The following CLNK variants were observed in gnomAD, a reference collection of about 807,000 sequenced individuals.
CLNK encodes the protein cytokine-dependent hematopoietic cell linker.
In CLNK, 74 loss-of-function variants were observed where a neutral mutation model predicts 68.6. That is an observed-to-expected ratio of 1.08 (90% CI 0.89 to 1.31). The LOEUF is 1.31. CLNK is among the 50% of genes most tolerant of loss of function. The pLI, the probability that CLNK is intolerant of heterozygous loss-of-function variation, is 0.00. For synonymous variants in CLNK, 198 were observed against 172.2 expected (o/e 1.15, Z -1.17); for missense variants, 553 against 515.3 (o/e 1.07, Z -0.71).
rs1437668868 is a variant in CLNK at position 10,600,507 on chromosome 4, T to C, written c.12-2458A>G. ...CATAAGCAAGTAAACAATATAATAT[T>C]GTTAAATGCCCTGTACATGCATTCA... On this transcript the variant is annotated intron_variant, in intron 2 of 18. Transcript: ENST00000226951. Among the ~76,000 whole-genome samples the C allele has an allele frequency of 2.6e-5, 4 of 152,270 alleles. No homozygotes were observed. The East Asian group carries it at 5.8e-4, about 22-fold the overall frequency.
intron 16 of CLNK, 91 bp downstream of exon 16, chr4:10,513,373 A>G (rs1717682386): frequency 1.6e-6 from 2 of 1,236,604 alleles, no homozygotes; most frequent in Admixed American, 5.9e-5. Flanking sequence ...AAAGTCAAAC[A>G]TAAATAATCT....
At chr4:10,612,082 T>C (rs1348970753) in intron 2 of CLNK, among the ~76,000 whole-genome samples, 1 of 152,234 alleles carries the variant, frequency 6.6e-6, no homozygotes, top group African/African-American at 2.4e-5. Context: ...GAACATGGGA[T>C]TCATGCTTTC....
the CLNK span, among the ~76,000 whole-genome samples, chr4:10,733,604 C>T: frequency 1.3e-5 from 2 of 152,200 alleles, no homozygotes; most frequent in East Asian, 1.9e-4. Flanking sequence ...TAATTTTATG[C>T]ACTACCTGGT....
chr4:10,717,106 G>A, the CLNK span, among the ~76,000 whole-genome samples: 1 of 152,140 alleles, frequency 6.6e-6, no homozygotes, highest in South Asian at 2.1e-4. Context: ...GAAATGAGGG[G>A]CCCCAAATGC....
chr4:10,557,698 C>G (rs1345340756), intron 8 of CLNK, among the ~76,000 whole-genome samples: 1 of 152,190 alleles, frequency 6.6e-6, no homozygotes, highest in Non-Finnish European at 1.5e-5. Flanking sequence ...CCTCTTGGGA[C>G]TCTAACTGGT....
chr4:10,713,935 A>G, the CLNK span, among the ~76,000 whole-genome samples: 2 of 152,170 alleles, frequency 1.3e-5, no homozygotes, highest in Non-Finnish European at 2.9e-5. Flanking sequence ...ATCCTTTTTT[A>G]GACATTTCAT....
intron 17 of CLNK, 84 bp downstream of exon 17, chr4:10,507,874 TG>T: frequency 1.0e-6 from 1 of 984,894 alleles, no homozygotes; most frequent in Non-Finnish European, 1.5e-6. Flanking sequence ...GAAAGCAAGC[TG>T]CTTGTTACGT....
At chr4:10,541,930 C>A (rs1577117658) in intron 10 of CLNK, 92 bp downstream of exon 10, 1 of 937,144 alleles carries the variant, frequency 1.1e-6, no homozygotes, top group Non-Finnish European at 1.6e-6. Flanking sequence ...ATTAGATTTT[C>A]AATGTCAAAT....
At chr4:10,727,588 A>G in the CLNK span, among the ~76,000 whole-genome samples, 1 of 152,162 alleles carries the variant, frequency 6.6e-6, no homozygotes, top group South Asian at 2.1e-4. Flanking sequence ...GCATCTACAC[A>G]CCCTATGGGC....
the CLNK span, among the ~76,000 whole-genome samples, chr4:10,714,795 A>G: frequency 6.6e-6 from 1 of 152,080 alleles, no homozygotes; most frequent in Admixed American, 6.6e-5. Flanking sequence ...ACTCTAGTTA[A>G]CAAAATCCTG....
At chr4:10,604,426 C>A (rs1470857112) in intron 2 of CLNK, among the ~76,000 whole-genome samples, 1 of 152,172 alleles carries the variant, frequency 6.6e-6, no homozygotes, top group Non-Finnish European at 1.5e-5. Context: ...GCACACGCTT[C>A]TTCTAAGCCG....
At chr4:10,723,917 A>T in the CLNK span, among the ~76,000 whole-genome samples, 7 of 150,826 alleles carry the variant, frequency 4.6e-5, no homozygotes, top group Admixed American at 2.6e-4. Context: ...AGAGAGAGAG[A>T]GAAGGCAGGG....
intron 2 of CLNK, among the ~76,000 whole-genome samples, chr4:10,663,350 C>T (rs1724267484): frequency 6.6e-6 from 1 of 152,122 alleles, no homozygotes; most frequent in South Asian, 2.1e-4. Flanking sequence ...CATCCGGATC[C>T]CTTCTTAGTA....
intron 2 of CLNK, among the ~76,000 whole-genome samples, chr4:10,643,726 C>T (rs1723404929): frequency 6.6e-6 from 1 of 152,174 alleles, no homozygotes; most frequent in East Asian, 1.9e-4. Context: ...GCCAAAATAC[C>T]AATTCAGTTG....
intron 4 of CLNK, among the ~76,000 whole-genome samples, chr4:10,580,549 G>A (rs1207013710): frequency 1.3e-5 from 2 of 152,114 alleles, no homozygotes; most frequent in South Asian, 2.1e-4. Flanking sequence ...GAGGCGGAAG[G>A]CAGTGATATT....
intron 17 of CLNK, among the ~76,000 whole-genome samples, chr4:10,503,290 C>T (rs1444984800): frequency 6.6e-6 from 1 of 151,952 alleles, no homozygotes; most frequent in South Asian, 2.1e-4. Flanking sequence ...GGGGAAACCT[C>T]ATCTCTACTA....
intron 2 of CLNK, among the ~76,000 whole-genome samples, chr4:10,666,918 T>C (rs1371517843): frequency 6.6e-6 from 1 of 152,156 alleles, no homozygotes; most frequent in Non-Finnish European, 1.5e-5. Context: ...CCTGCTACTC[T>C]CTCTGTCTCT....
intron 2 of CLNK, among the ~76,000 whole-genome samples, chr4:10,620,968 G>T (rs61794854): frequency 6.8e-6 from 1 of 147,952 alleles, no homozygotes; most frequent in Non-Finnish European, 1.5e-5. Context: ...AAATTAGCCC[G>T]GCGTAGTGGT....
At chr4:10,654,392 T>C (rs1464627489) in intron 2 of CLNK, among the ~76,000 whole-genome samples, 1 of 137,810 alleles carries the variant, frequency 7.3e-6, no homozygotes, top group African/African-American at 2.6e-5. Flanking sequence ...TAAATATATA[T>C]ATATATATAT....
Sources: gnomAD v4.1 joint callset for allele counts (sites outside exome capture counted in the v4.1 genomes callset) on GRCh38, gnomAD v4.1.1 for gene constraint, MANE v1.5 for transcripts, NCBI Gene and HGNC (gene_info 2026-07-23, HGNC 2026-07-21) for gene names.